Variants in CLIP1 observed in about 807,000 individuals in gnomAD.
CLIP1 encodes the protein CAP-Gly domain-containing linker protein 1.
CLIP1 carries 66 observed loss-of-function variants against 161.6 expected under a neutral mutation model. The observed-to-expected ratio is 0.41, with a 90% CI of 0.33 to 0.50. The LOEUF is 0.50. Among genes scored for constraint, CLIP1 ranks in the 20% least tolerant of loss-of-function variants. CLIP1 has a pLI of 0.27. For missense variants in CLIP1, 1,376 were observed against 1,702.0 expected (o/e 0.81, Z 3.37); for synonymous variants, 598 against 626.2 (o/e 0.96, Z 0.67).
At chr12:122,404,525 G>C (rs1281464077) in intron 1 of CLIP1, among the ~76,000 whole-genome samples, 2 of 152,114 alleles carry the variant, frequency 1.3e-5, no homozygotes, top group East Asian at 3.9e-4. Flanking sequence ...CTTGAACCCG[G>C]GGAGGTGGAG....
At chr12:122,297,893 G>A (rs913952083) in intron 20 of CLIP1, among the ~76,000 whole-genome samples, 3 of 152,120 alleles carry the variant, frequency 2.0e-5, no homozygotes, top group South Asian at 2.1e-4. Context: ...CCACAACTAC[G>A]GAGCCACTTC....
intron 20 of CLIP1, among the ~76,000 whole-genome samples, chr12:122,301,863 GACTC>G (rs1950693778): frequency 6.6e-6 from 1 of 152,134 alleles, no homozygotes; most frequent in South Asian, 2.1e-4. Flanking sequence ...TTTTCAGAAG[GACTC>G]ACAAACACCA....
chr12:122,337,743 C>T (rs1348587850), intron 11 of CLIP1, among the ~76,000 whole-genome samples: 3 of 152,072 alleles, frequency 2.0e-5, no homozygotes, highest in East Asian at 1.9e-4. Flanking sequence ...TGGCTGGTCA[C>T]GGTGGCTCAC....
intron 1 of CLIP1, among the ~76,000 whole-genome samples, chr12:122,391,861 T>C (rs536805647): frequency 2.6e-4 from 39 of 152,332 alleles, no homozygotes; most frequent in Non-Finnish European, 5.1e-4. Context: ...CACCAGTCCA[T>C]ACAAGAATCA....
At chr12:122,407,033 C>G (rs1593262315) in intron 1 of CLIP1, among the ~76,000 whole-genome samples, 1 of 152,078 alleles carries the variant, frequency 6.6e-6, no homozygotes, top group Non-Finnish European at 1.5e-5. Context: ...CTTTGTAACT[C>G]TAACACATAC....
intron 18 of CLIP1, among the ~76,000 whole-genome samples, chr12:122,318,080 G>A (rs1182374404): frequency 2.6e-5 from 4 of 152,184 alleles, no homozygotes; most frequent in African/African-American, 9.7e-5. Flanking sequence ...TATGTGAAGT[G>A]TTGTTATTTA....
intron 20 of CLIP1, among the ~76,000 whole-genome samples, chr12:122,301,442 G>A (rs775235826): frequency 7.9e-5 from 12 of 152,202 alleles, no homozygotes; most frequent in Non-Finnish European, 1.0e-4. Flanking sequence ...AGGCCGAGGC[G>A]AGTCCTGACC....
intron 1 of CLIP1, among the ~76,000 whole-genome samples, chr12:122,398,779 T>C (rs1316814258): frequency 6.6e-6 from 1 of 151,650 alleles, no homozygotes; most frequent in African/African-American, 2.4e-5. Flanking sequence ...GAGACTGAGG[T>C]GGGAGGATCG....
In CLIP1 at chr12:122,408,668, A is replaced by G. The variant is rs369618598; in HGVS notation, c.-107+13853T>C. On this transcript the variant is annotated intron_variant, in intron 1 of 25. Coordinates refer to ENST00000620786, the MANE Select transcript of CLIP1 (RefSeq NM_001247997.2). ...CAGCCTATTCTGTTTTTAAGAGACT[A>G]TGTTGCCCAGGCTGGTCTTGAACTC... Among the ~76,000 whole-genome samples, 13 of 150,824 alleles carry G rather than the reference A, an allele frequency of 8.6e-5. No homozygotes were observed. The South Asian group carries it at 2.3e-3, about 27-fold the overall frequency.
In CLIP1 at chr12:122,292,287, G is replaced by A. The variant is rs140661103; in HGVS notation, c.3595-3746C>T. On this transcript the variant is annotated intron_variant, in intron 20 of 25. Coordinates refer to ENST00000620786, the MANE Select transcript of CLIP1 (RefSeq NM_001247997.2). ...CAAAGTACTGGGATTACAGGTGTGA[G>A]CCACTACTCCTGGCTTCCATTTATT... is the stretch of plus-strand genomic sequence containing the variant. Among the ~76,000 whole-genome samples the A allele has an allele frequency of 4.1e-3, 619 of 152,124 alleles. 8 individuals are homozygous for A. Among genetic ancestry groups the A allele is most frequent in the African/African-American group, 0.014 (583 of 41,492 alleles).
rs150743609 is a variant in CLIP1 at position 122,284,681 on chromosome 12, G to A, written c.3647+3808C>T. ...TCCATCTTTTTAAGCCATGAAAAGC[G>A]TCCCATGCCTAACCATATTTTGAAA... On this transcript the variant is annotated intron_variant, in intron 21 of 25. Transcript: ENST00000620786. Among the ~76,000 whole-genome samples the A allele has an allele frequency of 1.3e-3, 202 of 152,136 alleles. 1 individual carries two copies. The highest frequency in any genetic ancestry group is 4.5e-3 in the African/African-American group (185 of 41,512).
At chr12:122,365,103 G>A (rs1420308912) in intron 3 of CLIP1, among the ~76,000 whole-genome samples, 1 of 152,098 alleles carries the variant, frequency 6.6e-6, no homozygotes, top group East Asian at 1.9e-4. Flanking sequence ...GGGGAGAGGA[G>A]AGGGATAGCA....
Position 122,361,061 on chromosome 12 carries a change from C to G in CLIP1, c.903G>C (p.Ala301=). The G allele has an allele frequency of 8.1e-6, 13 of 1,614,192 alleles. No homozygotes were observed. The highest frequency in any genetic ancestry group is 9.3e-6 in the Non-Finnish European group (11 of 1,180,046). ...AKANAVRRVM[A]TTSASLKRSP... Reference sequence around the variant, plus strand: ...TGCGCTTCAGGCTGGCGGACGTGGTCGCCATCACTCGCCTCACTGCGTTGG... The same window carrying G: ...TGCGCTTCAGGCTGGCGGACGTGGTGGCCATCACTCGCCTCACTGCGTTGG... The change falls in exon 5 of 26, where the codon GCG becomes GCC. Residue 301 remains alanine (A), a synonymous_variant. Coordinates refer to ENST00000620786, the MANE Select transcript of CLIP1 (RefSeq NM_001247997.2).
intron 1 of CLIP1, among the ~76,000 whole-genome samples, chr12:122,411,747 T>G (rs1956542052): frequency 6.6e-6 from 1 of 152,190 alleles, no homozygotes; most frequent in South Asian, 2.1e-4. Context: ...ACTCCTGGCC[T>G]CCTGCCTAGG....
intron 20 of CLIP1, 59 bp from the exon 21 acceptor site, chr12:122,288,600 T>TCATCCCACATGTA: frequency 6.9e-7 from 1 of 1,446,642 alleles, no homozygotes; most frequent in Non-Finnish European, 9.6e-7. Context: ...GGCATATTTC[T>TCATCCCACATGTA]CATCCCACAT....
chr12:122,387,915 T>G (rs1035858094), intron 1 of CLIP1, among the ~76,000 whole-genome samples: 6 of 152,090 alleles, frequency 3.9e-5, no homozygotes, highest in African/African-American at 7.2e-5. Flanking sequence ...TTAATATTTT[T>G]AAATATTCTC....
At chr12:122,418,672 C>T (rs1406430582) in intron 1 of CLIP1, among the ~76,000 whole-genome samples, 1 of 152,092 alleles carries the variant, frequency 6.6e-6, no homozygotes, top group African/African-American at 2.4e-5. Flanking sequence ...AGTGGGAGGA[C>T]TGCTTGAGCC....
At chr12:122,321,062 C>T (rs1333202690) in intron 17 of CLIP1, among the ~76,000 whole-genome samples, 1 of 145,226 alleles carries the variant, frequency 6.9e-6, no homozygotes, top group East Asian at 2.0e-4. Context: ...AAATAAAGTC[C>T]TTTAGGCACT....
Position 122,331,952 on chromosome 12 carries a change from G to A in CLIP1, c.2867+1035C>T, listed in dbSNP as rs569172404. Among the ~76,000 whole-genome samples the A allele has an allele frequency of 3.3e-5, 5 of 151,814 alleles. No homozygotes were observed. In the South Asian group the frequency reaches 8.3e-4, roughly 25 times the overall value. ...GAAGGCTGCAGTGAGCCGAGATCAC[G>A]CCACTGCATTCCAGCCTGGACCACA... On this transcript the variant is annotated intron_variant, in intron 15 of 25. Transcript: ENST00000620786.
Sources: gnomAD v4.1 joint callset for allele counts (sites outside exome capture counted in the v4.1 genomes callset) on GRCh38, gnomAD v4.1.1 for gene constraint, MANE v1.5 for transcripts, NCBI Gene and HGNC (gene_info 2026-07-23, HGNC 2026-07-21) for gene names.